Variants in TGFBR2 observed in about 807,000 individuals in gnomAD.
TGFBR2 encodes TGF-beta receptor type-2.
In TGFBR2, 18 loss-of-function variants were observed where a neutral mutation model predicts 49.0. The ratio of observed to expected loss-of-function variants is 0.37; its 90% CI spans 0.25 to 0.54. The LOEUF (loss-of-function observed/expected upper bound fraction) is 0.54, where lower values mean the gene tolerates loss of function less well. Among genes scored for constraint, TGFBR2 ranks in the 20% least tolerant of loss-of-function variants. The probability of loss-of-function intolerance (pLI) is 0.85; values close to 1 mark genes in which losing one functional copy is unlikely to be tolerated. For synonymous variants in TGFBR2, 282 were observed against 275.9 expected, an observed-to-expected ratio of 1.02 and a Z score of -0.22; for missense variants, 525 against 722.6, an observed-to-expected ratio of 0.73 and a Z score of 3.13.
rs1408141940 is a variant in TGFBR2 at position 30,666,328 on chromosome 3, C to T, written c.455-5310C>T. ...TTTTGAGCTCTGCTAAGATCTAGGC[C>T]ATGAGAATAGGCTCTGAGAAAAGAA... On this transcript the variant is annotated intron_variant, in intron 3 of 6. Coordinates refer to ENST00000295754, the MANE Select transcript of TGFBR2 (RefSeq NM_003242.6). 2.0e-5 allele frequency among the ~76,000 whole-genome samples: 3 copies of T among 152,104 alleles called. No individual in the cohort carries two copies. In the East Asian group the frequency reaches 5.8e-4, roughly 29 times the overall value.
At chr3:30,623,310 T>G in intron 1 of TGFBR2, 1 of 1,611,624 alleles carries the variant, frequency 6.2e-7, no homozygotes, top group Non-Finnish European at 8.5e-7. Flanking sequence ...ATCATTTTTC[T>G]ATTTTTAGTC....
At chr3:30,653,990 A>T (rs961728278) in intron 3 of TGFBR2, among the ~76,000 whole-genome samples, 3 of 152,152 alleles carry the variant, frequency 2.0e-5, no homozygotes, top group Non-Finnish European at 4.4e-5. Context: ...CAAAGCTAGG[A>T]TTTATAATGG....
chr3:30,622,127 A>G (rs1190605213), intron 1 of TGFBR2, among the ~76,000 whole-genome samples: 1 of 152,238 alleles, frequency 6.6e-6, no homozygotes, highest in Non-Finnish European at 1.5e-5. Flanking sequence ...TGTTTTGATT[A>G]TGATCAGCAC....
chr3:30,608,624 T>C (rs557004767), intron 1 of TGFBR2, among the ~76,000 whole-genome samples: 50 of 152,262 alleles, frequency 3.3e-4, no homozygotes, highest in Non-Finnish European at 6.6e-4. Context: ...TTGAAGTGGA[T>C]TGGGAACTTT....
At chr3:30,634,756 A>T (rs1313600524) in intron 1 of TGFBR2, among the ~76,000 whole-genome samples, 2 of 152,208 alleles carry the variant, frequency 1.3e-5, no homozygotes, top group African/African-American at 4.8e-5. Context: ...AAGTCCTGTC[A>T]ACTGAGGGAG....
chr3:30,617,082 GAAA>G (rs71093915), intron 1 of TGFBR2, among the ~76,000 whole-genome samples: 1 of 147,116 alleles, frequency 6.8e-6, no homozygotes, highest in Non-Finnish European at 1.5e-5. Flanking sequence ...TATTTTTTGG[GAAA>G]AAAAAAAAAG....
chr3:30,691,293 C>A, intron 6 of TGFBR2, 127 bp from the exon 7 acceptor site: 1 of 1,013,772 alleles, frequency 9.9e-7, no homozygotes, highest in South Asian at 1.4e-5. Flanking sequence ...TCAGTCAGCA[C>A]ATGTTAAATG....
At chr3:30,612,746 C>CAATT (rs3076712) in intron 1 of TGFBR2, among the ~76,000 whole-genome samples, 112,537 of 151,574 alleles carry the variant, frequency 0.74, 43,106 homozygotes, top group East Asian at 0.9. Flanking sequence ...TGTGTACAAT[C>CAATT]GTGTACAACT....
Position 30,682,626 on chromosome 3 carries a change from TA to T in TGFBR2, c.1397-5757del, listed in dbSNP as rs574806456. ...CAACTATGCCCCAATCTGATGCCTG[TA>T]GCTAAAATGAGATTCTCATCCTTAC... On this transcript the variant is annotated intron_variant, in intron 5 of 6. Transcript: ENST00000295754. 7.9e-5 allele frequency among the ~76,000 whole-genome samples: 12 copies of T among 152,318 alleles called. No individual in the cohort carries two copies. In the South Asian group the frequency reaches 2.5e-3, roughly 32 times the overall value.
At chr3:30,620,144 G>A (rs879389934) in intron 1 of TGFBR2, among the ~76,000 whole-genome samples, 8 of 152,130 alleles carry the variant, frequency 5.3e-5, no homozygotes, top group African/African-American at 1.4e-4. Context: ...CCGAGATCGC[G>A]CCACTGCACT....
chr3:30,644,561 A>G (rs112090622), intron 1 of TGFBR2, among the ~76,000 whole-genome samples, 186 bp from the exon 2 acceptor site: 52 of 152,200 alleles, frequency 3.4e-4, no homozygotes, highest in African/African-American at 1.2e-3. Context: ...CCACGGTACA[A>G]TGGATTTTAT....
Position 30,606,983 on chromosome 3 carries a change from T to C in TGFBR2, c.94+6T>C. 1 of 1,587,044 alleles carries C rather than the reference T, an allele frequency of 6.3e-7. No individual in the cohort carries two copies. ...ACCGCACGTTCAGAAGTCGGGTGAG[T>C]GGTCCCCAGCCCGGGCTCGGCGGGG... On this transcript the variant is annotated splice_donor_region_variant and intron_variant, in intron 1 of 6. Transcript: ENST00000295754.
At chr3:30,634,030 CAT>C (rs1382658886) in intron 1 of TGFBR2, among the ~76,000 whole-genome samples, 5 of 152,298 alleles carry the variant, frequency 3.3e-5, no homozygotes, top group East Asian at 3.9e-4. Flanking sequence ...AATATTTTCA[CAT>C]GTTTAATAAA....
At chr3:30,679,326 A>G (rs1575161279) in intron 5 of TGFBR2, among the ~76,000 whole-genome samples, 1 of 152,176 alleles carries the variant, frequency 6.6e-6, no homozygotes, top group South Asian at 2.1e-4. Flanking sequence ...CTTCTGAGTT[A>G]CTTCTTTACT....
At chr3:30,642,572 T>C (rs1435121657) in intron 1 of TGFBR2, among the ~76,000 whole-genome samples, 1 of 152,226 alleles carries the variant, frequency 6.6e-6, no homozygotes, top group East Asian at 1.9e-4. Flanking sequence ...TCCTAAGATG[T>C]TGGAAGACTG....
intron 5 of TGFBR2, among the ~76,000 whole-genome samples, chr3:30,674,609 T>C (rs1231405993): frequency 2.6e-5 from 4 of 152,232 alleles, no homozygotes; most frequent in Non-Finnish European, 1.5e-5. Flanking sequence ...CTGATTTCTT[T>C]TACTTTGTGT....
At chr3:30,634,426 G>A (rs1199479266) in intron 1 of TGFBR2, among the ~76,000 whole-genome samples, 1 of 151,986 alleles carries the variant, frequency 6.6e-6, no homozygotes, top group African/African-American at 2.4e-5. Context: ...AAATCATTTC[G>A]TGCATTTTTA....
chr3:30,651,723 T>G (rs1303206911), intron 3 of TGFBR2, among the ~76,000 whole-genome samples: 1 of 152,234 alleles, frequency 6.6e-6, no homozygotes, highest in Non-Finnish European at 1.5e-5. Flanking sequence ...GAAGTGAAAT[T>G]TCTAGATTAG....
chr3:30,640,856 T>A (rs1194300021), intron 1 of TGFBR2, among the ~76,000 whole-genome samples: 4 of 152,226 alleles, frequency 2.6e-5, no homozygotes, highest in African/African-American at 9.6e-5. Flanking sequence ...TTTTGTATCG[T>A]TGTTTAGAGG....
Sources: gnomAD v4.1 joint callset for allele counts (sites outside exome capture counted in the v4.1 genomes callset) on GRCh38, gnomAD v4.1.1 for gene constraint, MANE v1.5 for transcripts, NCBI Gene and HGNC (gene_info 2026-07-23, HGNC 2026-07-21) for gene names.